Variants in TNIK observed in about 807,000 individuals in gnomAD.
TNIK encodes the protein TRAF2 and NCK-interacting protein kinase.
In TNIK, 49 loss-of-function variants were observed where a neutral mutation model predicts 191.3. That is an observed-to-expected ratio of 0.26 (90% CI 0.20 to 0.32). The LOEUF (loss-of-function observed/expected upper bound fraction) is 0.32. TNIK is among the 10% of genes least tolerant of loss of function. TNIK has a pLI of 1.00. For synonymous variants in TNIK, 594 were observed against 600.9 expected (o/e 0.99, Z 0.17); for missense variants, 1,155 against 1,702.3 (o/e 0.68, Z 5.66).
At chr3:171,123,449 G>T in intron 18 of TNIK, 147 bp downstream of exon 18, 2 of 450,700 alleles carry the variant, frequency 4.4e-6, no homozygotes, top group African/African-American at 2.0e-5. Context: ...TAAAAGGCAT[G>T]TGTTCTGGAC....
intron 1 of TNIK, among the ~76,000 whole-genome samples, chr3:171,402,898 T>C (rs1002626416): frequency 2.0e-5 from 3 of 152,220 alleles, no homozygotes; most frequent in African/African-American, 7.2e-5. Flanking sequence ...AGTATATTTT[T>C]CAACCCAGAA....
At chr3:171,313,239 GCTTTCTTTCTTT>G (rs71762733) in intron 2 of TNIK, among the ~76,000 whole-genome samples, 3,407 of 150,378 alleles carry the variant, frequency 0.023, 119 homozygotes, top group African/African-American at 0.075. Flanking sequence ...CCAACATTTA[GCTTTCTTTCTTT>G]CTTTCTTTCT....
In TNIK at chr3:171,264,046, G is replaced by A. The variant is rs572883284; in HGVS notation, c.124-35825C>T. On this transcript the variant is annotated intron_variant, in intron 2 of 32. Coordinates refer to ENST00000436636, the MANE Select transcript of TNIK (RefSeq NM_015028.4). ...TATGTGTGTGTGTGTGTATATATAT[G>A]TGTGTGTGTATATATATACATACAC... Among the ~76,000 whole-genome samples the A allele has an allele frequency of 6.8e-4, 98 of 144,850 alleles. 1 individual carries two copies. In the South Asian group the frequency reaches 0.021, roughly 31 times the overall value.
At chr3:171,122,780 G>A (rs1727934072) in intron 18 of TNIK, among the ~76,000 whole-genome samples, 1 of 152,116 alleles carries the variant, frequency 6.6e-6, no homozygotes, top group African/African-American at 2.4e-5. Context: ...CCTTAGCAGA[G>A]GCCATTTGCT....
chr3:171,123,485 A>G, intron 18 of TNIK, 111 bp downstream of exon 18: 1 of 833,456 alleles, frequency 1.2e-6, no homozygotes, highest in Non-Finnish European at 1.8e-6. Context: ...TGCACATGGA[A>G]AGTCAACCTG....
intron 2 of TNIK, among the ~76,000 whole-genome samples, chr3:171,294,723 A>G (rs73030927): frequency 0.044 from 6,650 of 151,818 alleles, 479 homozygotes; most frequent in African/African-American, 0.15. Context: ...CTCCATCTCA[A>G]TAATAATAAT....
At chr3:171,066,534 G>C (rs201987759) in intron 31 of TNIK, 42 bp downstream of exon 31, 4 of 1,609,610 alleles carry the variant, frequency 2.5e-6, no homozygotes, top group South Asian at 1.1e-5. Context: ...GTTTCATTTG[G>C]GGGGTGTAAC....
intron 2 of TNIK, among the ~76,000 whole-genome samples, chr3:171,280,153 C>T (rs906845254): frequency 6.6e-6 from 1 of 152,186 alleles, no homozygotes; most frequent in Non-Finnish European, 1.5e-5. Flanking sequence ...GCACCACACC[C>T]CATATCACAC....
Position 171,084,311 on chromosome 3 carries a change from C to G in TNIK, c.3013G>C (p.Glu1005Gln). The change falls in exon 26 of 33, where the codon GAA becomes CAA. Residue 1005 changes from glutamate (E) to glutamine (Q), a missense_variant. Transcript: ENST00000436636. ...ESSAAALFTSELLRQEQAKLN... is the reference protein window; with the variant it reads ...ESSAAALFTSQLLRQEQAKLN... The stretch of plus-strand genomic sequence containing the variant: ...TTGGCCTGTTCTTGCCTAAGAAGTT[C>G]GCTAGTAAACAGAGCTTTGAGAAAA... The G allele has an allele frequency of 6.2e-7, 1 of 1,611,460 alleles. No homozygotes were observed. Among genetic ancestry groups the G allele is most frequent in the Non-Finnish European group, 8.5e-7 (1 of 1,178,376 alleles).
chr3:171,147,823 G>A (rs1229451639), intron 12 of TNIK, among the ~76,000 whole-genome samples: 1 of 152,092 alleles, frequency 6.6e-6, no homozygotes, highest in Non-Finnish European at 1.5e-5. Context: ...GTAAGTGCGA[G>A]GCCAGGATTT....
intron 18 of TNIK, among the ~76,000 whole-genome samples, chr3:171,119,927 C>A (rs1023003014): frequency 6.6e-6 from 1 of 152,084 alleles, no homozygotes; most frequent in African/African-American, 2.4e-5. Context: ...TGCACATGTA[C>A]CCTAAAACTT....
At chr3:171,236,779 G>T (rs1422863039) in intron 2 of TNIK, among the ~76,000 whole-genome samples, 2 of 152,110 alleles carry the variant, frequency 1.3e-5, no homozygotes, top group Non-Finnish European at 2.9e-5. Context: ...CCACCTCCTA[G>T]CTGCAGATAA....
chr3:171,286,922 C>T (rs758302253), intron 2 of TNIK, among the ~76,000 whole-genome samples: 1 of 152,144 alleles, frequency 6.6e-6, no homozygotes, highest in Non-Finnish European at 1.5e-5. Context: ...GTTTATGATG[C>T]TAGAATTTTA....
intron 5 of TNIK, among the ~76,000 whole-genome samples, chr3:171,192,653 T>C (rs6444970): frequency 0.71 from 108,288 of 152,168 alleles, 39,579 homozygotes; most frequent in East Asian, 0.9. Context: ...AAAGGCATAT[T>C]GGGCAGAACC....
intron 2 of TNIK, among the ~76,000 whole-genome samples, chr3:171,332,343 T>G (rs570157867): frequency 6.6e-6 from 1 of 152,378 alleles, no homozygotes; most frequent in South Asian, 2.1e-4. Flanking sequence ...ACAAACAATA[T>G]AATTGTGCAT....
At chr3:171,198,902 G>C (rs1219033365) in intron 4 of TNIK, among the ~76,000 whole-genome samples, 1 of 152,136 alleles carries the variant, frequency 6.6e-6, no homozygotes, top group African/African-American at 2.4e-5. Context: ...CATTGACCAG[G>C]CCTCCTGTGA....
intron 18 of TNIK, 74 bp downstream of exon 18, chr3:171,123,522 C>T: frequency 8.0e-7 from 1 of 1,252,826 alleles, no homozygotes; most frequent in Non-Finnish European, 1.1e-6. Context: ...AGAACACAGG[C>T]ATTTCTAGGA....
At chr3:171,302,966 A>G (rs188059156) in intron 2 of TNIK, among the ~76,000 whole-genome samples, 1 of 152,290 alleles carries the variant, frequency 6.6e-6, no homozygotes. Context: ...ACGCAATGCA[A>G]AATCAGATTC....
chr3:171,337,193 G>A (rs893596355), intron 2 of TNIK, among the ~76,000 whole-genome samples: 6 of 152,206 alleles, frequency 3.9e-5, no homozygotes, highest in African/African-American at 1.4e-4. Flanking sequence ...CTGGCCACCA[G>A]GCATCCATGG....
Sources: allele counts gnomAD v4.1 joint callset (sites outside exome capture counted in the v4.1 genomes callset), GRCh38; gene constraint gnomAD v4.1.1; transcripts MANE v1.5; gene names NCBI Gene and HGNC (gene_info 2026-07-23, HGNC 2026-07-21).